Variants in DCPS observed in about 807,000 individuals in gnomAD.
DCPS encodes m7GpppX diphosphatase.
In DCPS, 27 loss-of-function variants were observed where a neutral mutation model predicts 34.7. That is an observed-to-expected ratio of 0.78 (90% confidence interval 0.57 to 1.07). DCPS has a LOEUF of 1.07. DCPS is among the 50% of genes least tolerant of loss of function. The probability of loss-of-function intolerance (pLI) is 0.00; values close to 1 mark genes in which losing one functional copy is unlikely to be tolerated. For synonymous variants in DCPS, 185 were observed against 185.7 expected (o/e 1.00, Z 0.03); for missense variants, 464 against 436.9 (o/e 1.06, Z -0.55).
intron 2 of DCPS, among the ~76,000 whole-genome samples, chr11:126,307,464 G>A (rs1951580694): frequency 1.3e-5 from 2 of 152,050 alleles, no homozygotes; most frequent in Admixed American, 6.6e-5. Flanking sequence ...AGGCTAGAGT[G>A]CAGTGGCGCG....
At chr11:126,326,301 G>A (rs1053322324) in intron 2 of DCPS, among the ~76,000 whole-genome samples, 3 of 152,158 alleles carry the variant, frequency 2.0e-5, no homozygotes, top group African/African-American at 7.2e-5. Context: ...AGCCTGGCAA[G>A]GCCACCGGGC....
intron 2 of DCPS, among the ~76,000 whole-genome samples, chr11:126,308,529 T>C (rs1951591781): frequency 6.6e-6 from 1 of 152,214 alleles, no homozygotes; most frequent in Non-Finnish European, 1.5e-5. Context: ...TTGGTGCAAG[T>C]TGATGGAAAT....
In DCPS at chr11:126,312,893, T is replaced by C. The variant is rs1332359829; in HGVS notation, c.376+6149T>C. Among the ~76,000 whole-genome samples, 1 of 152,218 alleles carries C rather than the reference T, an allele frequency of 6.6e-6. No individual in the cohort carries two copies. Among genetic ancestry groups the C allele is most frequent in the Non-Finnish European group, 1.5e-5 (1 of 68,040 alleles). On this transcript the variant is annotated intron_variant, in intron 2 of 5. Coordinates refer to ENST00000263579, the MANE Select transcript of DCPS (RefSeq NM_014026.6). This position sits in a 1 kb window ranked among gnomAD's most constrained non-coding sequence, Gnocchi z 5.1. ...TCTGCCCATGGGTAGGTTTCCTTTC[T>C]TCTTCCTGTTGCTGTGTGGCACATG...
Position 126,332,735 on chromosome 11 carries a change from C to T in DCPS, c.522+1185C>T, listed in dbSNP as rs556417179. ...CCTGGTCTCCCTGGGCAGCAGTTTG[C>T]GTGGGGTGCATCTGGCTCAAGCTGA... On this transcript the variant is annotated intron_variant, in intron 3 of 5. Transcript: ENST00000263579. The surrounding 1 kb of genome is among the most constrained non-coding windows in gnomAD (Gnocchi z 5.4). 1.3e-5 allele frequency among the ~76,000 whole-genome samples: 2 copies of T among 152,294 alleles called. No homozygotes were observed. Among genetic ancestry groups the T allele is most frequent in the South Asian group, 2.1e-4 (1 of 4,816 alleles).
At position 126,333,419 on chromosome 11, in the gene DCPS, C is replaced by G. The variant is rs114638558; in HGVS notation, c.522+1869C>G. 6.6e-6 allele frequency among the ~76,000 whole-genome samples: 1 copy of G among 152,298 alleles called. No homozygotes were observed. The highest frequency in any genetic ancestry group is 1.9e-4 in the East Asian group (1 of 5,186). ...GTAACAGGGAAGATAGACTTGTAAACGGGCAATTGTGACAATGGGATAAGC... is the reference window on the plus strand; with the variant it reads ...GTAACAGGGAAGATAGACTTGTAAAGGGGCAATTGTGACAATGGGATAAGC... On this transcript the variant is annotated intron_variant, in intron 3 of 5. Coordinates refer to ENST00000263579, the MANE Select transcript of DCPS (RefSeq NM_014026.6). The surrounding 1 kb of genome is among the most constrained non-coding windows in gnomAD (Gnocchi z 5.7).
Position 126,343,334 on chromosome 11 carries a change from T to C in DCPS, c.664T>C (p.Cys222Arg). ...QLDDLYLIAI[C>R]HRRGIRSLRD... ...CGATGACTTGTACTTGATCGCCATCTGCCATCGCCGGGGCATCAGATCCCT... is the reference window on the plus strand; with the variant it reads ...CGATGACTTGTACTTGATCGCCATCCGCCATCGCCGGGGCATCAGATCCCT... Residue 222 changes from cysteine (C) to arginine (R), a missense_variant, in exon 5 of 6, where the codon TGC becomes CGC. Transcript: ENST00000263579. 1 of 1,613,978 alleles carries C rather than the reference T, an allele frequency of 6.2e-7. No individual in the cohort carries two copies. Among genetic ancestry groups the C allele is most frequent in the Non-Finnish European group, 8.5e-7 (1 of 1,179,972 alleles).
At position 126,343,346 on chromosome 11, in the gene DCPS, G is replaced by T. The variant is rs1372648999; in HGVS notation, c.676G>T (p.Gly226Cys). The T allele has an allele frequency of 1.2e-6, 2 of 1,613,890 alleles. No individual in the cohort carries two copies. The highest frequency in any genetic ancestry group is 1.1e-5 in the South Asian group (1 of 91,042). ...LYLIAICHRR[G>C]IRSLRDLTPE... ...CTTGATCGCCATCTGCCATCGCCGG[G>T]GCATCAGATCCCTACGCGACCTTAC... Residue 226 changes from glycine to cysteine, a missense_variant, in exon 5 of 6, where the codon GGC (glycine) becomes TGC (cysteine). Gly to Cys is a radical substitution (Grantham distance 159). Transcript: ENST00000263579.
chr11:126,307,816 C>G (rs1951584931), intron 2 of DCPS, among the ~76,000 whole-genome samples: 1 of 152,206 alleles, frequency 6.6e-6, no homozygotes, highest in African/African-American at 2.4e-5. Context: ...CAAAACAGCC[C>G]TCTTGTAAGG....
Position 126,319,887 on chromosome 11 carries a change from T to C in DCPS, c.377-11518T>C, listed in dbSNP as rs992232837. ...GCAAATTACTCAACATCTCTGGGGC[T>C]CAGTTTTAAGGGGTAGCTTCCTTTT... On this transcript the variant is annotated intron_variant, in intron 2 of 5. Coordinates refer to ENST00000263579, the MANE Select transcript of DCPS (RefSeq NM_014026.6). This position sits in a 1 kb window ranked among gnomAD's most constrained non-coding sequence, Gnocchi z 4.5. 6.6e-6 allele frequency among the ~76,000 whole-genome samples: 1 copy of C among 152,178 alleles called. No homozygotes were observed. The highest frequency in any genetic ancestry group is 2.4e-5 in the African/African-American group (1 of 41,426).
At chr11:126,304,553 A>G (rs1030114770) in intron 1 of DCPS, among the ~76,000 whole-genome samples, 2 of 152,114 alleles carry the variant, frequency 1.3e-5, no homozygotes, top group African/African-American at 2.4e-5. Context: ...TAAAGATCAC[A>G]TGTTACATTC....
intron 2 of DCPS, among the ~76,000 whole-genome samples, chr11:126,308,581 A>G (rs913919336): frequency 2.0e-5 from 3 of 152,204 alleles, no homozygotes; most frequent in Non-Finnish European, 1.5e-5. Context: ...CGTTTAAGCA[A>G]ATGTATTCCT....
Position 126,315,250 on chromosome 11 carries a change from A to T in DCPS, c.376+8506A>T, listed in dbSNP as rs1247931554. ...ATGTACCCTTTAACCTAAAATAAGAATTAAAAAAAATAAAAAGAATATTTC... is the reference window on the plus strand; with the variant it reads ...ATGTACCCTTTAACCTAAAATAAGATTTAAAAAAAATAAAAAGAATATTTC... On this transcript the variant is annotated intron_variant, in intron 2 of 5. Transcript: ENST00000263579. The surrounding 1 kb of genome is among the most constrained non-coding windows in gnomAD (Gnocchi z 6.1). Among the ~76,000 whole-genome samples, 1 of 152,068 alleles carries T rather than the reference A, an allele frequency of 6.6e-6. No individual in the cohort carries two copies. Among genetic ancestry groups the T allele is most frequent in the Non-Finnish European group, 1.5e-5 (1 of 68,024 alleles).
intron 2 of DCPS, among the ~76,000 whole-genome samples, chr11:126,309,098 C>T (rs1951599203): frequency 6.7e-6 from 1 of 149,912 alleles, no homozygotes; most frequent in African/African-American, 2.5e-5. Context: ...GTTCTTGGCT[C>T]ACTGCAACCT....
intron 4 of DCPS, among the ~76,000 whole-genome samples, chr11:126,340,008 CAGTCTT>C: frequency 6.6e-6 from 1 of 152,322 alleles, no homozygotes; most frequent in South Asian, 2.1e-4. Context: ...CAGGGGATCG[CAGTCTT>C]AAGGTCATGG....
Position 126,349,524 on chromosome 11 carries a change from T to C in DCPS, c.*3911T>C, listed in dbSNP as rs1482514355. 6.6e-6 allele frequency among the ~76,000 whole-genome samples: 1 copy of C among 152,194 alleles called. No individual in the cohort carries two copies. The highest frequency in any genetic ancestry group is 1.5e-5 in the Non-Finnish European group (1 of 68,032). ...GCTGAGTGGTCTCTATTTACCAACA[T>C]GAAACAGAAAAATACCATCTCAGGC... On this transcript the variant is annotated 3_prime_UTR_variant, in exon 6 of 6. Coordinates refer to ENST00000263579, the MANE Select transcript of DCPS (RefSeq NM_014026.6). This position sits in a 1 kb window ranked among gnomAD's most constrained non-coding sequence, Gnocchi z 5.4.
In DCPS at chr11:126,343,426, CT is replaced by C; in HGVS notation, c.747+11del. 1 of 1,603,952 alleles carries C rather than the reference CT, an allele frequency of 6.2e-7. No individual in the cohort carries two copies. The highest frequency in any genetic ancestry group is 8.5e-7 in the Non-Finnish European group (1 of 1,172,388). On this transcript the variant is annotated intron_variant, in intron 5 of 5. Transcript: ENST00000263579. ...TCCTCCACCAGGGGCAGGTGAGTGGCTTCACCAAACCACGTGGAAGCTCAGA... is the reference window on the plus strand; with the variant it reads ...TCCTCCACCAGGGGCAGGTGAGTGGCTCACCAAACCACGTGGAAGCTCAGA...
intron 2 of DCPS, among the ~76,000 whole-genome samples, chr11:126,314,346 T>C (rs1951642062): frequency 6.6e-6 from 1 of 152,198 alleles, no homozygotes; most frequent in Non-Finnish European, 1.5e-5. Context: ...AGTCTAGATG[T>C]TGGTGTGGAT....
chr11:126,319,485 C>T lies in DCPS; in HGVS notation c.377-11920C>T, dbSNP rs10893496. The stretch of plus-strand genomic sequence containing the variant: ...CCCTGGTAAGGCTGTCCTCACACGG[C>T]TCTCCAGAGCTCAGGGGAGTGGACT... On this transcript the variant is annotated intron_variant, in intron 2 of 5. Transcript: ENST00000263579. This position sits in a 1 kb window ranked among gnomAD's most constrained non-coding sequence, Gnocchi z 4.5. Among the ~76,000 whole-genome samples, 8,194 of 152,172 alleles carry T rather than the reference C, an allele frequency of 0.054. 380 individuals carry two copies. Among genetic ancestry groups the T allele is most frequent in the East Asian group, 0.17 (899 of 5,144 alleles).
chr11:126,320,301 T>A lies in DCPS; in HGVS notation c.377-11104T>A, dbSNP rs1210146788. The stretch of plus-strand genomic sequence containing the variant: ...AGTCCCTGCTCTCGTGGACTTGATG[T>A]TCCACTGGAGATGATCTTAAAGAAC... On this transcript the variant is annotated intron_variant, in intron 2 of 5. Transcript: ENST00000263579. This position sits in a 1 kb window ranked among gnomAD's most constrained non-coding sequence, Gnocchi z 4.7. Among the ~76,000 whole-genome samples, 4 of 152,196 alleles carry A rather than the reference T, an allele frequency of 2.6e-5. No individual in the cohort carries two copies. Among genetic ancestry groups the A allele is most frequent in the African/African-American group, 9.7e-5 (4 of 41,436 alleles).
Sources: gnomAD v4.1 joint callset for allele counts (sites outside exome capture counted in the v4.1 genomes callset) on GRCh38, gnomAD v4.1.1 for gene constraint, Gnocchi (gnomAD v3.1) non-coding constraint, MANE v1.5 for transcripts, NCBI Gene and HGNC (gene_info 2026-07-23, HGNC 2026-07-21) for gene names.